TBC1D1: variants seen among roughly 807,000 people sequenced by gnomAD.
TBC1D1 encodes the protein TBC1 (tre-2/USP6, BUB2, cdc16) domain family, member 1.
Under a neutral mutation model 125.6 loss-of-function variants are expected in TBC1D1, and 89 were observed. The ratio of observed to expected loss-of-function variants is 0.71; its 90% confidence interval spans 0.60 to 0.85. TBC1D1 has a LOEUF of 0.85. Among genes scored for constraint, TBC1D1 ranks in the 40% least tolerant of loss-of-function variants. The probability of loss-of-function intolerance (pLI) is 0.00; values close to 1 mark genes in which losing one functional copy is unlikely to be tolerated. For missense variants in TBC1D1, 1,377 were observed against 1,469.2 expected, an observed-to-expected ratio of 0.94 and a Z score of 1.03; for synonymous variants, 565 against 564.1, an observed-to-expected ratio of 1.00 and a Z score of -0.02.
intron 13 of TBC1D1, 37 bp downstream of exon 15, chr4:38,090,154 T>C: frequency 2.5e-6 from 4 of 1,596,090 alleles, no homozygotes; most frequent in Non-Finnish European, 3.4e-6. Flanking sequence ...AGGCCTGGTC[T>C]TATCTTGGCT....
intron 14 of TBC1D1, among the ~76,000 whole-genome samples, chr4:38,098,985 C>T (rs1022542461): frequency 1.3e-5 from 2 of 152,180 alleles, no homozygotes; most frequent in South Asian, 2.1e-4. Flanking sequence ...GTTTAGTACA[C>T]ATCAAAATGA....
chr4:38,037,748 G>A (rs568009932), intron 8 of TBC1D1, among the ~76,000 whole-genome samples: 1 of 152,342 alleles, frequency 6.6e-6, no homozygotes, highest in East Asian at 1.9e-4. Context: ...TCTCAGTGCT[G>A]TGCGTGTCAG....
chr4:37,942,379 A>G (rs1334110697), intron 2 of TBC1D1, among the ~76,000 whole-genome samples: 2 of 151,854 alleles, frequency 1.3e-5, no homozygotes, highest in Non-Finnish European at 2.9e-5. Context: ...TTTGCTTGTT[A>G]GATCTTCCTC....
intron 2 of TBC1D1, among the ~76,000 whole-genome samples, chr4:37,997,821 G>A (rs1174507165): frequency 6.6e-6 from 1 of 151,658 alleles, no homozygotes; most frequent in Non-Finnish European, 1.5e-5. Flanking sequence ...GAATGCCAGA[G>A]TAGACTGAGG....
chr4:38,005,010 G>A (rs948934081), intron 2 of TBC1D1, among the ~76,000 whole-genome samples: 1 of 151,606 alleles, frequency 6.6e-6, no homozygotes, highest in African/African-American at 2.4e-5. Flanking sequence ...CAGGGAGGGG[G>A]AGGGAGAGAG....
rs1175826625 is a variant in TBC1D1, at chr4:38,115,812, T to C, written c.2660T>C (p.Val887Ala). ...GCCTACTCACTTCTAGACCAGGAAGTGGGATATTGCCAAGGTCTCAGCTTT... is the reference window on the plus strand; with the variant it reads ...GCCTACTCACTTCTAGACCAGGAAGCGGGATATTGCCAAGGTCTCAGCTTT... The change falls in exon 16 of 20, where the codon GTG (valine) becomes GCG (alanine). Residue 887 changes from valine to alanine, a missense_variant. Around this residue, in one of 3 missense-constraint regions of TBC1D1, gnomAD observed 543 missense variants for 613.5 expected, o/e 0.89. Transcript: ENST00000261439. 1 of 1,614,198 alleles carries C rather than the reference T, an allele frequency of 6.2e-7. No homozygotes were observed. Among genetic ancestry groups the C allele is most frequent in the Non-Finnish European group, 8.5e-7 (1 of 1,180,040 alleles).
intron 18 of TBC1D1, 122 bp from the exon 21 acceptor site, chr4:38,132,962 G>C (rs1765842062): frequency 4.1e-6 from 3 of 724,992 alleles, no homozygotes; most frequent in South Asian, 4.3e-5. Flanking sequence ...CTAGTACCAA[G>C]TGTAGAGCTA....
At chr4:37,947,694 T>C (rs183336764) in intron 2 of TBC1D1, among the ~76,000 whole-genome samples, 226 of 152,304 alleles carry the variant, frequency 1.5e-3, no homozygotes, top group Non-Finnish European at 2.9e-3. Context: ...TCTGTTTCTA[T>C]AAAACTATAG....
At chr4:38,080,774 TGG>T (rs1756408509) in intron 12 of TBC1D1, among the ~76,000 whole-genome samples, 4 of 152,138 alleles carry the variant, frequency 2.6e-5, no homozygotes, top group Admixed American at 2.0e-4. Flanking sequence ...CTTGACCCCT[TGG>T]CACACAGACC....
chr4:38,056,785 G>A (rs779607340), intron 12 of TBC1D1, among the ~76,000 whole-genome samples: 3 of 152,196 alleles, frequency 2.0e-5, no homozygotes, highest in Non-Finnish European at 4.4e-5. Context: ...TCCAGCCTGG[G>A]CAACAGAGTG....
chr4:38,008,865 C>T (rs548915850), intron 2 of TBC1D1, among the ~76,000 whole-genome samples: 1 of 152,286 alleles, frequency 6.6e-6, no homozygotes, highest in African/African-American at 2.4e-5. Flanking sequence ...ATCACATATG[C>T]GTGAGCCTCC....
rs1759506706 is a variant in TBC1D1, at chr4:38,097,254, C to A, written c.2398+1164C>A. ...CTCAGCTCACTGCAACCCCTGCCTCCCAGGTTTAAGCTATTCTCCTGCCTC... is the reference window on the plus strand; with the variant it reads ...CTCAGCTCACTGCAACCCCTGCCTCACAGGTTTAAGCTATTCTCCTGCCTC... On this transcript the variant is annotated intron_variant, in intron 14 of 19. Transcript: ENST00000261439. 2.0e-5 allele frequency among the ~76,000 whole-genome samples: 3 copies of A among 152,244 alleles called. No homozygotes were observed. In the South Asian group the frequency reaches 6.2e-4, roughly 32 times the overall value.
rs191555345 is a variant in TBC1D1, at chr4:38,051,837, G to A, written c.1910+1939G>A. The A allele has an allele frequency of 7.1e-5, 107 of 1,502,332 alleles. No homozygotes were observed. The African/African-American group carries it at 1.1e-3, about 15-fold the overall frequency. 93.1% of individuals were successfully genotyped at this position (1,502,332 alleles called of 1,614,324 possible). A position where few individuals can be genotyped will look rare whatever the true frequency, so the allele number is the denominator to read the frequency against. On this transcript the variant is annotated intron_variant, in intron 11 of 19. Transcript: ENST00000261439. Reference sequence around the variant, plus strand: ...TGTGCTCCTTCCACCTGTTTGCTCCGTGTCCCTGTCGGCGCCCCCTCTCCT... The same window carrying A: ...TGTGCTCCTTCCACCTGTTTGCTCCATGTCCCTGTCGGCGCCCCCTCTCCT...
chr4:38,021,598 A>T lies in TBC1D1; in HGVS notation c.1090A>T (p.Met364Leu), dbSNP rs1744047125. The T allele has an allele frequency of 6.4e-7, 1 of 1,556,502 alleles. No homozygotes were observed. The highest frequency in any genetic ancestry group is 8.7e-7 in the Non-Finnish European group (1 of 1,153,700). ...TCTCTTTGATTAGGTTGATGAAATT[A>T]TGATGACCCTGAAACAGGCCTTCAC... The change falls in exon 6 of 20, where the codon ATG becomes TTG. Residue 364 changes from methionine to leucine, a missense_variant. Transcript: ENST00000261439.
intron 14 of TBC1D1, among the ~76,000 whole-genome samples, chr4:38,099,868 C>T (rs1389124415): frequency 6.6e-6 from 1 of 152,184 alleles, no homozygotes; most frequent in Non-Finnish European, 1.5e-5. Flanking sequence ...CTCCTGAATA[C>T]CACAATATCT....
intron 8 of TBC1D1, among the ~76,000 whole-genome samples, chr4:38,042,400 G>T (rs755954825): frequency 6.6e-6 from 1 of 151,460 alleles, no homozygotes. Context: ...GATTACAGGC[G>T]TGCACCACCA....
At chr4:38,135,916 G>GTGTA (rs1217777662) in intron 19 of TBC1D1, among the ~76,000 whole-genome samples, 2 of 113,062 alleles carry the variant, frequency 1.8e-5, no homozygotes, top group East Asian at 2.7e-4. Context: ...ATATACGTGT[G>GTGTA]TGTGTATATG....
Position 38,034,958 on chromosome 4 carries a change from G to C in TBC1D1, c.1303-630G>C, listed in dbSNP as rs943117656. On this transcript the variant is annotated intron_variant, in intron 7 of 19. Transcript: ENST00000261439. Reference sequence around the variant, plus strand: ...AGCAGACAGGGAAGCTAGAATTAAGGGGCTTGGCTTCACACTTCTCGGCAG... The same window carrying C: ...AGCAGACAGGGAAGCTAGAATTAAGCGGCTTGGCTTCACACTTCTCGGCAG... 7.2e-5 allele frequency among the ~76,000 whole-genome samples: 11 copies of C among 152,174 alleles called. 1 individual carries two copies. Among genetic ancestry groups the C allele is most frequent in the Admixed American group, 4.6e-4 (7 of 15,272 alleles).
intron 15 of TBC1D1, chr4:38,111,890 G>C (rs1384341899): frequency 2.0e-6 from 2 of 983,342 alleles, no homozygotes; most frequent in East Asian, 1.1e-4. Flanking sequence ...AGGAGCTGAA[G>C]GCCAGAGACT....
Sources: allele counts gnomAD v4.1 joint callset (sites outside exome capture counted in the v4.1 genomes callset), GRCh38; gene constraint gnomAD v4.1.1; regional missense constraint gnomAD v4.1.1; transcripts MANE v1.5; gene names NCBI Gene and HGNC (gene_info 2026-07-23, HGNC 2026-07-21).